DSTYK: variants seen among roughly 807,000 people sequenced by gnomAD.
The protein encoded by DSTYK is RIP-homologous kinase.
DSTYK carries 34 observed loss-of-function variants against 98.7 expected under a neutral mutation model. The ratio of observed to expected loss-of-function variants is 0.34; its 90% CI spans 0.26 to 0.46. The LOEUF is 0.46. Ranked by LOEUF, DSTYK falls within the 20% of genes least tolerant of loss-of-function variation. The probability of loss-of-function intolerance (pLI) is 1.00; values close to 1 mark genes in which losing one functional copy is unlikely to be tolerated. For missense variants in DSTYK, 962 were observed against 1,181.7 expected (o/e 0.81, Z 2.73); for synonymous variants, 462 against 457.3 (o/e 1.01, Z -0.13).
intron 1 of DSTYK, among the ~76,000 whole-genome samples, chr1:205,194,989 ATTTTTTT>A (rs964750887): frequency 2.2e-5 from 3 of 138,524 alleles, no homozygotes; most frequent in Admixed American, 1.5e-4. Flanking sequence ...AGTGCCACTA[ATTTTTTT>A]TTTTTTTTTT....
In DSTYK at chr1:205,211,589, C is replaced by T; in HGVS notation, c.-54G>A. 1 of 1,404,764 alleles carries T rather than the reference C, an allele frequency of 7.1e-7. No homozygotes were observed. Among genetic ancestry groups the T allele is most frequent in the East Asian group, 2.9e-5 (1 of 34,630 alleles). The allele number at this position is 1,404,764 out of a possible 1,614,324, so 87.0% of individuals were successfully genotyped here. On this transcript the variant is annotated 5_prime_UTR_variant, in exon 1 of 13. Transcript: ENST00000367162. ...CGGTCCCCGGCCGCAGGCCCGGCCTCCCTCCTCCCCGCCCCCCAGTGCCGA... is the reference window on the plus strand; with the variant it reads ...CGGTCCCCGGCCGCAGGCCCGGCCTTCCTCCTCCCCGCCCCCCAGTGCCGA...
intron 3 of DSTYK, among the ~76,000 whole-genome samples, chr1:205,167,245 C>G (rs73083106): frequency 0.017 from 2,630 of 151,818 alleles, 69 homozygotes; most frequent in African/African-American, 0.06. Flanking sequence ...AAAAAAAATA[C>G]AAAAAGTTAG....
chr1:205,206,938 TA>T (rs914417166), intron 1 of DSTYK, among the ~76,000 whole-genome samples: 1 of 152,150 alleles, frequency 6.6e-6, no homozygotes, highest in Non-Finnish European at 1.5e-5. Flanking sequence ...TTATAATCCC[TA>T]TTTCCAGATG....
intron 10 of DSTYK, among the ~76,000 whole-genome samples, chr1:205,151,081 T>G (rs1657388565): frequency 6.6e-6 from 1 of 152,204 alleles, no homozygotes; most frequent in Non-Finnish European, 1.5e-5. Context: ...CACAATGGTA[T>G]TTGTGTATCT....
At chr1:205,198,297 T>C (rs898723696) in intron 1 of DSTYK, among the ~76,000 whole-genome samples, 1 of 152,228 alleles carries the variant, frequency 6.6e-6, no homozygotes, top group African/African-American at 2.4e-5. Flanking sequence ...GTAGAGACTA[T>C]ATTGCCATTA....
chr1:205,146,872 C>CT lies in DSTYK; in HGVS notation c.*685dup, dbSNP rs554315062. ...AGGCGTGAGCCACCATGCCTGGCCT[C>CT]TTTTTTTTTTTTTTTCCTCTTTTCA... On this transcript the variant is annotated 3_prime_UTR_variant, in exon 13 of 13. Transcript: ENST00000367162. The CT allele has an allele frequency of 0.027, 3,773 of 139,878 alleles. 75 individuals are homozygous for CT. The highest frequency in any genetic ancestry group is 0.028 in the Non-Finnish European group (1,793 of 63,738). 8.7% of individuals were successfully genotyped at this position (139,878 alleles called of 1,614,324 possible). A position where few individuals can be genotyped will look rare whatever the true frequency, so the allele number is the denominator to read the frequency against.
chr1:205,181,966 G>A (rs1026307010), intron 2 of DSTYK, among the ~76,000 whole-genome samples: 2 of 151,720 alleles, frequency 1.3e-5, no homozygotes, highest in African/African-American at 2.4e-5. Flanking sequence ...GTAAATTTGG[G>A]GTTAAAATTT....
intron 1 of DSTYK, among the ~76,000 whole-genome samples, chr1:205,193,512 C>T (rs1283982118): frequency 1.3e-5 from 2 of 152,096 alleles, no homozygotes; most frequent in African/African-American, 4.8e-5. Context: ...TCCTGTCTGC[C>T]TCCCCTTTTT....
At chr1:205,181,530 T>C (rs1039399245) in intron 2 of DSTYK, among the ~76,000 whole-genome samples, 2 of 151,988 alleles carry the variant, frequency 1.3e-5, no homozygotes, top group Non-Finnish European at 2.9e-5. Flanking sequence ...AATTTTTGTA[T>C]TTTTAATAGT....
chr1:205,175,413 T>G (rs1306241537), intron 2 of DSTYK, among the ~76,000 whole-genome samples: 1 of 152,294 alleles, frequency 6.6e-6, no homozygotes, highest in Admixed American at 6.5e-5. Context: ...TTCCTAAATA[T>G]ACCTTGTACT....
chr1:205,193,574 G>A (rs1036341610), intron 1 of DSTYK, among the ~76,000 whole-genome samples: 1 of 151,950 alleles, frequency 6.6e-6, no homozygotes, highest in African/African-American at 2.4e-5. Flanking sequence ...CAAGACCATA[G>A]AAACTAGAAA....
At chr1:205,153,059 C>A (rs1441166089) in intron 10 of DSTYK, among the ~76,000 whole-genome samples, 3 of 152,174 alleles carry the variant, frequency 2.0e-5, no homozygotes, top group Non-Finnish European at 4.4e-5. Flanking sequence ...GTCCTCCGGT[C>A]AGCTAAGGAG....
chr1:205,203,488 AGAGGG>A (rs1558627899), intron 1 of DSTYK, among the ~76,000 whole-genome samples: 2 of 104,278 alleles, frequency 1.9e-5, no homozygotes, highest in African/African-American at 7.7e-5. Flanking sequence ...TAAGAAAAGG[AGAGGG>A]GAGGGGAGGG....
At chr1:205,204,883 T>C (rs912639184) in intron 1 of DSTYK, among the ~76,000 whole-genome samples, 2 of 152,174 alleles carry the variant, frequency 1.3e-5, no homozygotes, top group Non-Finnish European at 2.9e-5. Flanking sequence ...CCATTATATA[T>C]ATGAAGAACC....
intron 2 of DSTYK, among the ~76,000 whole-genome samples, chr1:205,172,570 C>T (rs1198793399): frequency 6.6e-6 from 1 of 151,934 alleles, no homozygotes; most frequent in East Asian, 1.9e-4. Context: ...GCGCCTCAGC[C>T]TCCCAAAGTG....
At chr1:205,156,698 T>C (rs1657572506) in intron 10 of DSTYK, among the ~76,000 whole-genome samples, 1 of 152,218 alleles carries the variant, frequency 6.6e-6, no homozygotes. Context: ...TTTGGATTAA[T>C]GCTAGAATGA....
At chr1:205,157,000 G>A (rs1437173546) in intron 10 of DSTYK, among the ~76,000 whole-genome samples, 1 of 152,146 alleles carries the variant, frequency 6.6e-6, no homozygotes, top group Admixed American at 6.5e-5. Flanking sequence ...TCTCCTTGCT[G>A]CTGCCATGTG....
At chr1:205,201,152 G>A (rs887781734) in intron 1 of DSTYK, among the ~76,000 whole-genome samples, 4 of 151,754 alleles carry the variant, frequency 2.6e-5, no homozygotes, top group African/African-American at 7.3e-5. Context: ...TTATCCACCC[G>A]CCTTGGCCTC....
rs972600394 is a variant in DSTYK, at chr1:205,211,317, G to C, written c.219C>G (p.Ala73=). 6 of 1,610,328 alleles carry C rather than the reference G, an allele frequency of 3.7e-6. No individual in the cohort carries two copies. Among genetic ancestry groups the C allele is most frequent in the South Asian group, 1.1e-5 (1 of 90,580 alleles). ...CLSSLTGGGG[A]ERGPAGDVAE... ...CGACATCGCCTGCAGGGCCGCGCTCGGCCCCGCCGCCGCCCGTGAGGGAGG... is the reference window on the plus strand; with the variant it reads ...CGACATCGCCTGCAGGGCCGCGCTCCGCCCCGCCGCCGCCCGTGAGGGAGG... The change falls in exon 1 of 13, where the codon GCC becomes GCG. Residue 73 remains alanine, a synonymous_variant. Coordinates refer to ENST00000367162, the MANE Select transcript of DSTYK (RefSeq NM_015375.3).
Sources: allele counts gnomAD v4.1 joint callset (sites outside exome capture counted in the v4.1 genomes callset), GRCh38; gene constraint gnomAD v4.1.1; transcripts MANE v1.5; gene names NCBI Gene and HGNC (gene_info 2026-07-23, HGNC 2026-07-21).